Variants in AGTPBP1 observed in about 807,000 individuals in gnomAD.
AGTPBP1 encodes the protein ATP/GTP binding carboxypeptidase 1.
AGTPBP1 carries 70 observed loss-of-function variants against 143.9 expected under a neutral mutation model. The ratio of observed to expected loss-of-function variants is 0.49; its 90% confidence interval spans 0.40 to 0.59. The LOEUF (loss-of-function observed/expected upper bound fraction) is 0.59. Among genes scored for constraint, AGTPBP1 ranks in the 20% least tolerant of loss-of-function variants. The pLI is 0.00. For missense variants in AGTPBP1, 1,229 were observed against 1,464.5 expected (o/e 0.84, Z 2.62); for synonymous variants, 463 against 500.2 (o/e 0.93, Z 0.99).
intron 3 of AGTPBP1, among the ~76,000 whole-genome samples, chr9:85,683,332 C>T (rs1835303228): frequency 6.6e-6 from 1 of 152,094 alleles, no homozygotes; most frequent in Admixed American, 6.6e-5. Flanking sequence ...AACATTGTTT[C>T]AAATATCTAA....
At chr9:85,759,120 G>A in the AGTPBP1 span, among the ~76,000 whole-genome samples, 8 of 152,108 alleles carry the variant, frequency 5.3e-5, no homozygotes, top group East Asian at 1.3e-3. Flanking sequence ...GATTCATAAA[G>A]CAAGTCCTTA....
chr9:85,681,288 T>C lies in AGTPBP1; in HGVS notation c.205A>G (p.Ile69Val), dbSNP rs1248240743. 3 of 1,613,008 alleles carry C rather than the reference T, an allele frequency of 1.9e-6. No homozygotes were observed. The highest frequency in any genetic ancestry group is 1.1e-5 in the South Asian group (1 of 90,672). Residue 69 changes from isoleucine to valine, a missense_variant, in exon 4 of 26, where the codon ATT (isoleucine) becomes GTT (valine). Ile to Val is a conservative substitution (Grantham distance 29). Transcript: ENST00000357081. ...MTAKGSTGMEILLSTLENTKD... is the reference protein window; with the variant it reads ...MTAKGSTGMEVLLSTLENTKD... ...TTTACCTCTAATGTTGACAGCAGAA[T>C]TTCCATTCCTGTAGAACCTTTGGCT...
At chr9:85,743,377 A>C (rs1252287176), upstream of AGTPBP1, among the ~76,000 whole-genome samples, 1 of 152,180 alleles carries the variant, frequency 6.6e-6, no homozygotes, top group Non-Finnish European at 1.5e-5. Context: ...TAACCCACAC[A>C]AGATAAATAG....
chr9:85,662,719 A>G (rs1175867421), intron 8 of AGTPBP1, among the ~76,000 whole-genome samples: 6 of 152,184 alleles, frequency 3.9e-5, no homozygotes, highest in African/African-American at 1.4e-4. Flanking sequence ...CTAGGGCCAC[A>G]TAAAATCTCA....
At chr9:85,579,429 T>G (rs974184859) in intron 23 of AGTPBP1, among the ~76,000 whole-genome samples, 1 of 152,136 alleles carries the variant, frequency 6.6e-6, no homozygotes, top group Non-Finnish European at 1.5e-5. Flanking sequence ...AAAAGACTAA[T>G]TGAGATATTT....
At chr9:85,572,527 A>G (rs541842509) in intron 25 of AGTPBP1, among the ~76,000 whole-genome samples, 2 of 152,360 alleles carry the variant, frequency 1.3e-5, no homozygotes, top group South Asian at 2.1e-4. Flanking sequence ...TGTTAAAAAC[A>G]TATTTGTGAT....
At chr9:85,578,723 T>TTAA (rs1828049844) in intron 24 of AGTPBP1, among the ~76,000 whole-genome samples, 197 bp downstream of exon 24, 1 of 152,150 alleles carries the variant, frequency 6.6e-6, no homozygotes, top group South Asian at 2.1e-4. Context: ...GTAAGCTATT[T>TTAA]AGTTCAGAGA....
intron 20 of AGTPBP1, 45 bp from the exon 21 acceptor site, chr9:85,588,523 A>G: frequency 1.3e-6 from 2 of 1,576,162 alleles, no homozygotes; most frequent in Non-Finnish European, 1.7e-6. Flanking sequence ...CAGCTACTAA[A>G]AGTTTGTATA....
chr9:85,600,268 G>A (rs1829578892), intron 17 of AGTPBP1, among the ~76,000 whole-genome samples: 1 of 152,066 alleles, frequency 6.6e-6, no homozygotes, highest in South Asian at 2.1e-4. Flanking sequence ...GGGACTCAGT[G>A]AGCCACTTCA....
chr9:85,596,952 A>G (rs1564047563), intron 17 of AGTPBP1, among the ~76,000 whole-genome samples: 1 of 152,168 alleles, frequency 6.6e-6, no homozygotes, highest in Admixed American at 6.5e-5. Context: ...TTTCTTGGAT[A>G]TTCTTAGAAA....
chr9:85,716,219 T>C (rs1349017583), intron 1 of AGTPBP1, among the ~76,000 whole-genome samples: 1 of 152,232 alleles, frequency 6.6e-6, no homozygotes, highest in East Asian at 1.9e-4. Context: ...TCAGCAGCAT[T>C]TGATACAGCT....
the AGTPBP1 span, among the ~76,000 whole-genome samples, chr9:85,796,524 A>G: frequency 7.9e-5 from 12 of 152,072 alleles, no homozygotes; most frequent in South Asian, 2.5e-3. Context: ...AGGTTTTCCA[A>G]TTTAAATGAC....
intron 8 of AGTPBP1, among the ~76,000 whole-genome samples, chr9:85,663,603 C>T (rs553884835): frequency 4.3e-4 from 65 of 150,306 alleles, no homozygotes; most frequent in African/African-American, 1.5e-3. Flanking sequence ...GAAAAAAAGA[C>T]CCATAATGAT....
At chr9:85,641,860 G>C (rs549782525) in intron 13 of AGTPBP1, among the ~76,000 whole-genome samples, 1 of 151,796 alleles carries the variant, frequency 6.6e-6, no homozygotes, top group Non-Finnish European at 1.5e-5. Flanking sequence ...CATCACGCCC[G>C]GCTAATTTTC....
chr9:85,692,583 A>G, intron 3 of AGTPBP1, 106 bp downstream of exon 3: 1 of 1,438,848 alleles, frequency 7.0e-7, no homozygotes, highest in South Asian at 1.3e-5. Flanking sequence ...CTGAAAGTTC[A>G]ATTTTTGTGG....
intron 13 of AGTPBP1, among the ~76,000 whole-genome samples, chr9:85,641,151 C>T (rs1240859149): frequency 6.6e-6 from 1 of 152,170 alleles, no homozygotes; most frequent in Non-Finnish European, 1.5e-5. Context: ...CAGGCATCCA[C>T]TGGGGGTCTT....
At chr9:85,701,274 C>G (rs1237498235) in intron 2 of AGTPBP1, among the ~76,000 whole-genome samples, 2 of 149,290 alleles carry the variant, frequency 1.3e-5, no homozygotes, top group African/African-American at 5.0e-5. Flanking sequence ...CTGTCACCCA[C>G]GCTGGAGGAC....
At chr9:85,632,398 C>A (rs1831736705) in intron 14 of AGTPBP1, among the ~76,000 whole-genome samples, 2 of 152,086 alleles carry the variant, frequency 1.3e-5, no homozygotes, top group Non-Finnish European at 2.9e-5. Flanking sequence ...TTTTGAGATT[C>A]AGTATTAATA....
At chr9:85,596,165 A>G (rs1243317449) in intron 18 of AGTPBP1, among the ~76,000 whole-genome samples, 197 bp downstream of exon 18, 1 of 152,342 alleles carries the variant, frequency 6.6e-6, no homozygotes, top group African/African-American at 2.4e-5. Context: ...CTGCCTATAC[A>G]ACACATTTTA....
Sources: allele counts gnomAD v4.1 joint callset (sites outside exome capture counted in the v4.1 genomes callset), GRCh38; gene constraint gnomAD v4.1.1; transcripts MANE v1.5; gene names NCBI Gene and HGNC (gene_info 2026-07-23, HGNC 2026-07-21).